Variants in RGS7 observed in about 807,000 individuals in gnomAD.
RGS7 encodes regulator of G protein signaling 7, also known as regulator of G-protein signaling 7.
RGS7 carries 27 observed loss-of-function variants against 81.1 expected under a neutral mutation model. The ratio of observed to expected loss-of-function variants is 0.33; its 90% CI spans 0.25 to 0.46. RGS7 has a LOEUF of 0.46. RGS7 is among the 20% of genes least tolerant of loss of function. The pLI is 1.00. For synonymous variants in RGS7, 208 were observed against 207.7 expected, an observed-to-expected ratio of 1.00 and a Z score of -0.01; for missense variants, 396 against 607.4, an observed-to-expected ratio of 0.65 and a Z score of 3.66.
At chr1:240,801,671 G>C (rs1688049360) in intron 16 of RGS7, among the ~76,000 whole-genome samples, 163 bp from the exon 17 acceptor site, 1 of 152,152 alleles carries the variant, frequency 6.6e-6, no homozygotes, top group Non-Finnish European at 1.5e-5. Flanking sequence ...GAGCCGCCAA[G>C]GGAGGCTTCT....
intron 9 of RGS7, among the ~76,000 whole-genome samples, chr1:240,837,104 GT>G (rs756753782): frequency 9.9e-5 from 15 of 152,182 alleles, no homozygotes; most frequent in Non-Finnish European, 2.2e-4. Context: ...CATGTTTAAT[GT>G]TCAGCTTTAA....
chr1:241,237,753 T>A (rs375527294), intron 2 of RGS7, among the ~76,000 whole-genome samples: 8 of 152,164 alleles, frequency 5.3e-5, no homozygotes, highest in African/African-American at 1.9e-4. Flanking sequence ...CTTCTGAATA[T>A]TGCCTTCGAG....
chr1:241,307,128 C>A (rs927790843), intron 2 of RGS7, among the ~76,000 whole-genome samples: 6 of 152,172 alleles, frequency 3.9e-5, no homozygotes, highest in Non-Finnish European at 5.9e-5. Flanking sequence ...TATGACCATA[C>A]AAAATGCTCT....
chr1:241,220,071 C>T (rs970204057), intron 2 of RGS7, among the ~76,000 whole-genome samples: 2 of 152,158 alleles, frequency 1.3e-5, no homozygotes, highest in Non-Finnish European at 2.9e-5. Flanking sequence ...TACTTCAGAG[C>T]TTCTATCATC....
chr1:240,813,395 G>A lies in RGS7; in HGVS notation c.956+223C>T, dbSNP rs1180779225. Among the ~76,000 whole-genome samples the A allele has an allele frequency of 2.6e-5, 4 of 151,926 alleles. No individual in the cohort carries two copies. In the South Asian group the frequency reaches 6.2e-4, roughly 24 times the overall value. On this transcript the variant is annotated intron_variant, in intron 13 of 18. Coordinates refer to ENST00000440928, the MANE Select transcript of RGS7 (RefSeq NM_001364886.1). ...CTAATTGCACCTCTAATTTTGGGAC[G>A]GTCTTTCCAGCAATGCAAATCTTAA... is the stretch of plus-strand genomic sequence containing the variant.
At chr1:241,336,232 CAG>C (rs1217474692) in intron 2 of RGS7, among the ~76,000 whole-genome samples, 4 of 152,220 alleles carry the variant, frequency 2.6e-5, no homozygotes, top group African/African-American at 7.2e-5. Flanking sequence ...GGAAATGCTG[CAG>C]AGAGTGTCCA....
intron 2 of RGS7, among the ~76,000 whole-genome samples, chr1:241,198,913 C>T (rs959212545): frequency 3.3e-5 from 5 of 151,960 alleles, no homozygotes; most frequent in African/African-American, 9.6e-5. Context: ...GTCATAAACC[C>T]GTATGCAAAA....
chr1:240,901,848 T>C (rs1024646075), intron 6 of RGS7, among the ~76,000 whole-genome samples: 17 of 152,208 alleles, frequency 1.1e-4, no homozygotes, highest in Admixed American at 1.1e-3. Context: ...TTCAAACTTA[T>C]CACTCTTCAT....
chr1:241,148,051 C>CTTTTTTTTTTTTTT (rs58632066), intron 2 of RGS7, among the ~76,000 whole-genome samples: 2 of 108,494 alleles, frequency 1.8e-5, no homozygotes, highest in African/African-American at 6.9e-5. Context: ...TTTTCTTTTT[C>CTTTTTTTTTTTTTT]TTTTTTTTTT....
chr1:241,103,031 A>C (rs1002487179), intron 2 of RGS7, among the ~76,000 whole-genome samples: 1 of 151,236 alleles, frequency 6.6e-6, no homozygotes, highest in East Asian at 1.9e-4. Context: ...AAACAGAGCA[A>C]GTTAGTTAGA....
chr1:241,307,061 T>C (rs2080219374), intron 2 of RGS7, among the ~76,000 whole-genome samples: 1 of 152,270 alleles, frequency 6.6e-6, no homozygotes, highest in African/African-American at 2.4e-5. Flanking sequence ...TAGATTTTTA[T>C]TGAAAGATTC....
chr1:240,943,190 A>G (rs993831603), intron 4 of RGS7, among the ~76,000 whole-genome samples: 2 of 152,216 alleles, frequency 1.3e-5, no homozygotes, highest in African/African-American at 4.8e-5. Context: ...TAAGAAATTA[A>G]TATAAGTAAA....
intron 2 of RGS7, among the ~76,000 whole-genome samples, chr1:241,162,222 G>GCCCCCCCCCCCCCCCCCCCCCCCC (rs68166816): frequency 2.8e-5 from 4 of 142,026 alleles, no homozygotes; most frequent in African/African-American, 5.3e-5. Flanking sequence ...CTGGTGATCA[G>GCCCCCCCCCCCCCCCCCCCCCCCC]CTTCCAAATA....
At chr1:240,947,730 A>G (rs1249969213) in intron 4 of RGS7, among the ~76,000 whole-genome samples, 1 of 152,136 alleles carries the variant, frequency 6.6e-6, no homozygotes, top group East Asian at 1.9e-4. Flanking sequence ...TTATCTTAAA[A>G]CATATATTAG....
chr1:241,088,014 A>G lies in RGS7; in HGVS notation c.175+10652T>C, dbSNP rs569682479. Among the ~76,000 whole-genome samples the G allele has an allele frequency of 7.1e-5, 9 of 126,630 alleles. No homozygotes were observed. In the East Asian group the frequency reaches 1.6e-3, roughly 22 times the overall value. 83.1% of individuals were successfully genotyped at this position (126,630 alleles called of 152,430 possible). On this transcript the variant is annotated intron_variant, in intron 3 of 18. Transcript: ENST00000440928. ...TATATATACACACACACACATATAT[A>G]TATACACACACACATATATATATAC...
At chr1:241,209,475 A>C (rs2074118348) in intron 2 of RGS7, among the ~76,000 whole-genome samples, 1 of 152,162 alleles carries the variant, frequency 6.6e-6, no homozygotes, top group Admixed American at 6.5e-5. Context: ...AATTGTAATA[A>C]TGATAATAGT....
chr1:241,320,056 A>T (rs916287528), intron 2 of RGS7, among the ~76,000 whole-genome samples: 1 of 152,148 alleles, frequency 6.6e-6, no homozygotes, highest in Non-Finnish European at 1.5e-5. Context: ...GTGCCACTGC[A>T]CTCCAGCCTG....
At position 241,098,585 on chromosome 1, in the gene RGS7, A is replaced by G. The variant is rs529533910; in HGVS notation, c.175+81T>C. On this transcript the variant is annotated intron_variant, in intron 3 of 18. Transcript: ENST00000440928. ...ATAATGGATTAGAGACAGAGTTTCA[A>G]TAGTGAACAGCTGGAATCAGTTTTA... is the stretch of plus-strand genomic sequence containing the variant. The G allele has an allele frequency of 2.8e-5, 26 of 916,152 alleles. No individual in the cohort carries two copies. The South Asian group carries it at 3.5e-4, about 12-fold the overall frequency. The allele number at this position is 916,152 out of a possible 1,614,324, so 56.8% of individuals were successfully genotyped here. A position where few individuals can be genotyped will look rare whatever the true frequency, so the allele number is the denominator to read the frequency against.
At chr1:240,842,773 T>TTTTC (rs908581775) in intron 9 of RGS7, among the ~76,000 whole-genome samples, 6 of 151,824 alleles carry the variant, frequency 4.0e-5, no homozygotes, top group African/African-American at 1.5e-4. Flanking sequence ...CTTCCTTCCT[T>TTTTC]TTTCTTTCTT....
Sources: gnomAD v4.1 joint callset for allele counts (sites outside exome capture counted in the v4.1 genomes callset) on GRCh38, gnomAD v4.1.1 for gene constraint, MANE v1.5 for transcripts, NCBI Gene and HGNC (gene_info 2026-07-23, HGNC 2026-07-21) for gene names.